SH3BP1: variants seen among roughly 807,000 people sequenced by gnomAD.
The protein encoded by SH3BP1 is SH3 domain binding protein 1.
In SH3BP1, 46 loss-of-function variants were observed where a neutral mutation model predicts 69.8. The observed-to-expected ratio is 0.66, with a 90% CI of 0.52 to 0.84. SH3BP1 has a LOEUF of 0.84. SH3BP1 is among the 40% of genes least tolerant of loss of function. The probability of loss-of-function intolerance (pLI) is 0.00; values close to 1 mark genes in which losing one functional copy is unlikely to be tolerated. For synonymous variants in SH3BP1, 403 were observed against 378.0 expected, an observed-to-expected ratio of 1.07 and a Z score of -0.77; for missense variants, 868 against 930.9, an observed-to-expected ratio of 0.93 and a Z score of 0.88.
At chr22:37,652,952 A>G (rs568439609) in intron 16 of SH3BP1, among the ~76,000 whole-genome samples, 12 of 152,048 alleles carry the variant, frequency 7.9e-5, no homozygotes, top group African/African-American at 9.6e-5. Context: ...CCTGGCCAAC[A>G]TGGTGAAACC....
At position 37,650,222 on chromosome 22, in the gene SH3BP1, C is replaced by G. The variant is rs776419469; in HGVS notation, c.1387C>G (p.Gln463Glu). 5.0e-6 allele frequency: 8 copies of G among 1,612,600 alleles called. No homozygotes were observed. The highest frequency in any genetic ancestry group is 4.4e-5 in the South Asian group (4 of 90,828). Residue 463 changes from glutamine to glutamate, a missense_variant, in exon 15 of 18, where the codon CAG becomes GAG. Gln to Glu is a conservative substitution (Grantham distance 29). Transcript: ENST00000649765. Reference protein sequence around the residue: ...QVVGVVEALIQSADTLFPGDI... With the variant: ...QVVGVVEALIESADTLFPGDI... ...GGTGGGCGTCGTCGAGGCGCTGATC[C>G]AGAGCGCAGACACCCTCTTCCCTGG...
At chr22:37,641,324 CA>C in intron 2 of SH3BP1, 49 bp from the exon 3 acceptor site, 4 of 1,539,344 alleles carry the variant, frequency 2.6e-6, no homozygotes, top group Non-Finnish European at 3.5e-6. Context: ...GTTTCCTGCT[CA>C]GGGGGAGACA....
At position 37,655,699 on chromosome 22, in the gene SH3BP1, C is replaced by T; in HGVS notation, c.*15C>T. The T allele has an allele frequency of 6.8e-7, 1 of 1,477,076 alleles. No homozygotes were observed. The highest frequency in any genetic ancestry group is 9.0e-7 in the Non-Finnish European group (1 of 1,113,998). 91.5% of individuals were successfully genotyped at this position (1,477,076 alleles called of 1,614,324 possible). Reference sequence around the variant, plus strand: ...AGACCAACTGAGTGGCTGGTTTCTCCCTAAGCAGCCCTCAGCACCCCCTCC... The same window carrying T: ...AGACCAACTGAGTGGCTGGTTTCTCTCTAAGCAGCCCTCAGCACCCCCTCC... On this transcript the variant is annotated 3_prime_UTR_variant, in exon 18 of 18. Transcript: ENST00000649765.
rs146007366 is a variant in SH3BP1, at chr22:37,644,950, C to A, written c.768C>A (p.His256Gln). Reference protein sequence around the residue: ...DTALAELRENHGQADHSPSMT... With the variant: ...DTALAELRENQGQADHSPSMT... Reference sequence around the variant, plus strand: ...CCCTGGCTGAGCTGAGGGAGAACCACGGCCAAGCAGGTGGGGACATAGGCC... The same window carrying A: ...CCCTGGCTGAGCTGAGGGAGAACCAAGGCCAAGCAGGTGGGGACATAGGCC... The change falls in exon 9 of 18, where the codon CAC becomes CAA. Residue 256 changes from histidine (H) to glutamine (Q), a missense_variant. By Grantham distance (24) the His-to-Gln change is conservative. Around this residue, in one of 3 missense-constraint regions of SH3BP1, gnomAD observed 387 missense variants for 447.9 expected, o/e 0.86. Coordinates refer to ENST00000649765, the MANE Select transcript of SH3BP1 (RefSeq NM_018957.6). 6.2e-7 allele frequency: 1 copy of A among 1,613,834 alleles called. No individual in the cohort carries two copies. Among genetic ancestry groups the A allele is most frequent in the African/African-American group, 1.3e-5 (1 of 75,056 alleles).
chr22:37,654,609 AGAG>A (rs1932965763), intron 17 of SH3BP1, among the ~76,000 whole-genome samples: 1 of 151,302 alleles, frequency 6.6e-6, no homozygotes, highest in Non-Finnish European at 1.5e-5. Flanking sequence ...GCAGTGAAGG[AGAG>A]GAGGTGGCAG....
intron 16 of SH3BP1, among the ~76,000 whole-genome samples, chr22:37,653,391 G>A (rs747799927): frequency 2.7e-4 from 41 of 151,358 alleles, no homozygotes; most frequent in Non-Finnish European, 3.2e-4. Flanking sequence ...AGCCAAGATC[G>A]CACCACTGCA....
intron 6 of SH3BP1, 29 bp downstream of exon 6, chr22:37,643,203 A>G (rs1027812979): frequency 7.6e-6 from 12 of 1,577,766 alleles, no homozygotes; most frequent in African/African-American, 1.4e-5. Flanking sequence ...CAGGGGGCTC[A>G]TATCTGGGTC....
In SH3BP1 at chr22:37,650,577, G is replaced by A. The variant is rs1932858651; in HGVS notation, c.1450G>A (p.Val484Ile). 1.2e-6 allele frequency: 2 copies of A among 1,613,816 alleles called. No homozygotes were observed. Among genetic ancestry groups the A allele is most frequent in the Non-Finnish European group, 1.7e-6 (2 of 1,179,874 alleles). ...CAACGTGTCAGGCCTCTTCTCAGCTGTTACCCTCCAGGACACAGTCAGTGA... is the reference window on the plus strand; with the variant it reads ...CAACGTGTCAGGCCTCTTCTCAGCTATTACCCTCCAGGACACAGTCAGTGA... ...NFNVSGLFSA[V>I]TLQDTVSDRL... Residue 484 changes from valine to isoleucine, a missense_variant, in exon 16 of 18, where the codon GTT becomes ATT. This residue lies in a region of SH3BP1 where 474 missense variants were observed against 462.3 expected (regional missense o/e 1.03). Coordinates refer to ENST00000649765, the MANE Select transcript of SH3BP1 (RefSeq NM_018957.6).
chr22:37,647,211 G>A, intron 11 of SH3BP1, 56 bp from the exon 12 acceptor site: 2 of 1,469,374 alleles, frequency 1.4e-6, no homozygotes, highest in South Asian at 2.3e-5. Context: ...CTTCTACAGG[G>A]AGAGTGGGAG....
chr22:37,648,773 G>T (rs9622664), intron 14 of SH3BP1: 27 of 202,052 alleles, frequency 1.3e-4, no homozygotes, highest in African/African-American at 6.1e-4. Context: ...GCGCAATCTC[G>T]GCTCACTGCA....
chr22:37,648,508 T>A (rs1932822397), intron 14 of SH3BP1, 73 bp downstream of exon 14: 1 of 1,078,484 alleles, frequency 9.3e-7, no homozygotes, highest in Admixed American at 2.0e-5. Context: ...TGTCTATTTT[T>A]CCCCGGGGCC....
intron 6 of SH3BP1, 73 bp downstream of exon 6, chr22:37,643,247 C>A: frequency 1.5e-6 from 2 of 1,303,444 alleles, no homozygotes; most frequent in Non-Finnish European, 2.2e-6. Context: ...CTTTGAGGCC[C>A]TGGCCACACC....
intron 17 of SH3BP1, among the ~76,000 whole-genome samples, chr22:37,654,447 T>C (rs1932958562): frequency 6.6e-6 from 1 of 151,896 alleles, no homozygotes; most frequent in Non-Finnish European, 1.5e-5. Context: ...TGCGGGTGCC[T>C]ATCATCCCAG....
chr22:37,648,371 A>G lies in SH3BP1; in HGVS notation c.1252A>G (p.Met418Val). The G allele has an allele frequency of 1.9e-6, 3 of 1,573,662 alleles. No homozygotes were observed. The highest frequency in any genetic ancestry group is 1.7e-4 in the Middle Eastern group (1 of 6,004). The stretch of plus-strand genomic sequence containing the variant: ...GGCCGAGGAGCAGGAGGTGAACAAG[A>G]TGACACCCAGCAACATCGCCATAGT... The part of the protein sequence containing the change: ...RLAEEQEVNK[M>V]TPSNIAIVLG... The change falls in exon 14 of 18, where the codon ATG (methionine) becomes GTG (valine). Residue 418 changes from methionine (M) to valine (V), a missense_variant. Physicochemically the swap from Met to Val is conservative, Grantham distance 21. This residue lies in a region of SH3BP1 where 474 missense variants were observed against 462.3 expected (regional missense o/e 1.03). Coordinates refer to ENST00000649765, the MANE Select transcript of SH3BP1 (RefSeq NM_018957.6).
chr22:37,643,370 TGGTGCTGGGGCA>T, intron 6 of SH3BP1, 196 bp downstream of exon 6: 1 of 664,438 alleles, frequency 1.5e-6, no homozygotes, highest in Non-Finnish European at 2.6e-6. Context: ...GTGTCACAGC[TGGTGCTGGGGCA>T]ACCCTAAAGC....
intron 1 of SH3BP1, among the ~76,000 whole-genome samples, 180 bp downstream of exon 1, chr22:37,640,026 C>G (rs1932525539): frequency 6.6e-6 from 1 of 152,222 alleles, no homozygotes. Flanking sequence ...TCGGGCAGAG[C>G]TGGAGGAGCA....
Position 37,655,492 on chromosome 22 carries a change from ACCAGCCTCCCCCAGC to A in SH3BP1, c.1917_1931del (p.Ser643_Pro647del). On this transcript the variant is annotated inframe_deletion, in exon 18 of 18. Transcript: ENST00000649765. Reference sequence around the variant, plus strand: ...CTGCCCGGCGCCAAAGCCGGCGTTCACCAGCCTCCCCCAGCCCGGCCTCCCCAGGTCCAGCCTCCC... The same window carrying A: ...CTGCCCGGCGCCAAAGCCGGCGTTCACCGGCCTCCCCAGGTCCAGCCTCCC... The A allele has an allele frequency of 1.5e-6, 2 of 1,362,762 alleles. No individual in the cohort carries two copies. The highest frequency in any genetic ancestry group is 1.9e-6 in the Non-Finnish European group (2 of 1,039,434). The allele number at this position is 1,362,762 out of a possible 1,614,324, so 84.4% of individuals were successfully genotyped here.
Position 37,639,983 on chromosome 22 carries a change from CTCT to C in SH3BP1, c.59+140_59+142del, listed in dbSNP as rs1932523011. ...CTCTGAGCGGCCAGACTCCTGCTCT[CTCT>C]TCCTCCTCTCTGAACGCCGCCCCCG... On this transcript the variant is annotated intron_variant, in intron 1 of 17. Transcript: ENST00000649765. 81 of 592,486 alleles carry C rather than the reference CTCT, an allele frequency of 1.4e-4. No homozygotes were observed. The East Asian group carries it at 2.8e-3, about 20-fold the overall frequency. 36.7% of individuals were successfully genotyped at this position (592,486 alleles called of 1,614,324 possible).
intron 10 of SH3BP1, 34 bp downstream of exon 10, chr22:37,645,544 C>T (rs773941607): frequency 3.2e-6 from 5 of 1,584,890 alleles, no homozygotes; most frequent in Non-Finnish European, 4.3e-6. Context: ...GGAAGGAGCA[C>T]TGGGGCCCTC....
Sources: gnomAD v4.1 joint callset for allele counts (sites outside exome capture counted in the v4.1 genomes callset) on GRCh38, gnomAD v4.1.1 for gene constraint, gnomAD v4.1.1 regional missense constraint, MANE v1.5 for transcripts, NCBI Gene and HGNC (gene_info 2026-07-23, HGNC 2026-07-21) for gene names.